The following DOCK3 variants were observed in gnomAD, a reference collection of about 807,000 sequenced individuals.
DOCK3 encodes the protein dedicator of cytokinesis protein 3.
In DOCK3, 60 loss-of-function variants were observed where a neutral mutation model predicts 265.6. The observed-to-expected ratio is 0.23, with a 90% CI of 0.18 to 0.28. The LOEUF is 0.28. DOCK3 is among the 10% of genes least tolerant of loss of function. DOCK3 has a pLI of 1.00. For missense variants in DOCK3, 1,981 were observed against 2,594.3 expected (o/e 0.76, Z 5.14); for synonymous variants, 881 against 938.0 (o/e 0.94, Z 1.11).
chr3:51,379,596 C>T (rs1459799651), intron 51 of DOCK3: 1 of 985,352 alleles, frequency 1.0e-6, no homozygotes, highest in Non-Finnish European at 1.2e-6. Context: ...AGCGGGTCCC[C>T]CGATAGTCCC....
chr3:51,339,946 G>A (rs1003837141), intron 37 of DOCK3, among the ~76,000 whole-genome samples: 3 of 152,092 alleles, frequency 2.0e-5, no homozygotes, highest in South Asian at 2.1e-4. Flanking sequence ...TGGCATAGAT[G>A]GTATCTTATC....
intron 1 of DOCK3, among the ~76,000 whole-genome samples, chr3:50,738,904 CT>C (rs2038823754): frequency 6.6e-6 from 1 of 152,086 alleles, no homozygotes; most frequent in Non-Finnish European, 1.5e-5. Flanking sequence ...CGTTGGTAGG[CT>C]TTTTTCATTG....
intron 1 of DOCK3, among the ~76,000 whole-genome samples, chr3:50,753,612 C>G (rs1430688620): frequency 6.6e-6 from 1 of 152,136 alleles, no homozygotes; most frequent in African/African-American, 2.4e-5. Context: ...GTCCTTCTGT[C>G]TTGGCCTCCC....
At chr3:50,901,867 C>A (rs934743610) in intron 4 of DOCK3, among the ~76,000 whole-genome samples, 1 of 152,178 alleles carries the variant, frequency 6.6e-6, no homozygotes, top group Non-Finnish European at 1.5e-5. Context: ...AAATCACCCA[C>A]CTTATGCATT....
intron 9 of DOCK3, among the ~76,000 whole-genome samples, chr3:51,113,444 T>G (rs1250909819): frequency 6.6e-6 from 1 of 152,178 alleles, no homozygotes; most frequent in Non-Finnish European, 1.5e-5. Context: ...CTACTGGTAT[T>G]GGCCCCCACA....
intron 5 of DOCK3, among the ~76,000 whole-genome samples, chr3:51,033,913 A>G (rs1002126391): frequency 6.6e-5 from 10 of 152,312 alleles, no homozygotes; most frequent in Admixed American, 2.0e-4. Context: ...TAAAGCATCA[A>G]TGATTTCACC....
At chr3:51,218,382 C>G (rs2089909957) in intron 14 of DOCK3, among the ~76,000 whole-genome samples, 1 of 152,034 alleles carries the variant, frequency 6.6e-6, no homozygotes, top group Non-Finnish European at 1.5e-5. Context: ...TGCAGTGAGC[C>G]AAGATCATAC....
chr3:51,346,213 C>T (rs1269807879), intron 38 of DOCK3, among the ~76,000 whole-genome samples: 2 of 151,984 alleles, frequency 1.3e-5, no homozygotes, highest in Non-Finnish European at 2.9e-5. Context: ...CATATGTATA[C>T]TGTGCCATGT....
intron 14 of DOCK3, 53 bp from the exon 15 acceptor site, chr3:51,225,596 T>TGGG: frequency 1.3e-6 from 2 of 1,565,460 alleles, no homozygotes; most frequent in East Asian, 4.5e-5. Flanking sequence ...TCTGTGAAAA[T>TGGG]GGGGCAGTAT....
intron 5 of DOCK3, among the ~76,000 whole-genome samples, chr3:50,938,809 A>G (rs547480535): frequency 6.6e-6 from 1 of 151,996 alleles, no homozygotes; most frequent in South Asian, 2.1e-4. Flanking sequence ...GCAAGGTTTC[A>G]AATCAATGAT....
intron 1 of DOCK3, among the ~76,000 whole-genome samples, chr3:50,693,750 T>C (rs2035418790): frequency 6.6e-6 from 1 of 151,522 alleles, no homozygotes; most frequent in Non-Finnish European, 1.5e-5. Flanking sequence ...TTGGCCAGGC[T>C]ATTTTCAAAC....
rs752278257 is a variant in DOCK3 at position 51,280,102 on chromosome 3, C to T, written c.2824-4C>T. On this transcript the variant is annotated splice_polypyrimidine_tract_variant and splice_region_variant and intron_variant, in intron 26 of 52. Coordinates refer to ENST00000266037, the MANE Select transcript of DOCK3 (RefSeq NM_004947.5). ...GCTAAGTGTTTTTTTGGGTTGGTCC[C>T]TAGGGCGAGTATGTGTCCTGCCTTC... The T allele has an allele frequency of 2.5e-6, 4 of 1,613,258 alleles. No individual in the cohort carries two copies. The highest frequency in any genetic ancestry group is 1.1e-5 in the South Asian group (1 of 90,950).
intron 12 of DOCK3, among the ~76,000 whole-genome samples, chr3:51,172,542 G>T (rs932714307): frequency 6.6e-6 from 1 of 152,142 alleles, no homozygotes; most frequent in Non-Finnish European, 1.5e-5. Context: ...GCATATTGAT[G>T]GATCTTGCAT....
chr3:50,686,465 C>T (rs1362106534), intron 1 of DOCK3, among the ~76,000 whole-genome samples: 1 of 152,188 alleles, frequency 6.6e-6, no homozygotes, highest in Non-Finnish European at 1.5e-5. Flanking sequence ...AGTCAATTCA[C>T]CTGGTTTATT....
At chr3:51,350,417 G>T (rs147027669) in intron 40 of DOCK3, 25 bp downstream of exon 40, 2 of 1,599,008 alleles carry the variant, frequency 1.3e-6, no homozygotes, top group Middle Eastern at 1.7e-4. Flanking sequence ...ATGGTCACAA[G>T]AACTTATATA....
intron 5 of DOCK3, among the ~76,000 whole-genome samples, chr3:51,045,307 T>C (rs1237928423): frequency 6.6e-6 from 1 of 152,040 alleles, no homozygotes; most frequent in African/African-American, 2.4e-5. Flanking sequence ...GAATGCCTGA[T>C]TGGTGGAGCA....
intron 1 of DOCK3, among the ~76,000 whole-genome samples, chr3:50,759,982 T>C (rs1287988231): frequency 6.6e-6 from 1 of 152,080 alleles, no homozygotes; most frequent in Non-Finnish European, 1.5e-5. Flanking sequence ...GTTGTTGATG[T>C]AGCCTTTGAT....
chr3:50,747,627 G>A (rs904135055), intron 1 of DOCK3, among the ~76,000 whole-genome samples: 7 of 152,138 alleles, frequency 4.6e-5, no homozygotes, highest in African/African-American at 1.7e-4. Context: ...ACTTTGGGAG[G>A]CCAAGGCAGA....
chr3:50,859,295 A>C (rs1434464841), intron 3 of DOCK3, among the ~76,000 whole-genome samples: 1 of 138,818 alleles, frequency 7.2e-6, no homozygotes, highest in Non-Finnish European at 1.5e-5. Flanking sequence ...GGCTCACTGC[A>C]GCCTCTGCCT....
Sources: allele counts gnomAD v4.1 joint callset (sites outside exome capture counted in the v4.1 genomes callset), GRCh38; gene constraint gnomAD v4.1.1; transcripts MANE v1.5; gene names NCBI Gene and HGNC (gene_info 2026-07-23, HGNC 2026-07-21).